Variants in LDLRAD4 observed in about 807,000 individuals in gnomAD.
The protein encoded by LDLRAD4 is low-density lipoprotein receptor class A domain-containing protein 4.
A neutral mutation model predicts 17.0 loss-of-function variants in LDLRAD4; 5 were observed. The observed-to-expected ratio is 0.29, with a 90% CI of 0.15 to 0.62. The LOEUF (loss-of-function observed/expected upper bound fraction) is 0.62. LDLRAD4 is among the 20% of genes least tolerant of loss of function. LDLRAD4 has a pLI of 0.84. For synonymous variants in LDLRAD4, 168 were observed against 171.8 expected (o/e 0.98, Z 0.17); for missense variants, 340 against 424.7 (o/e 0.80, Z 1.75).
chr18:13,338,527 A>T (rs1037422192), intron 1 of LDLRAD4, among the ~76,000 whole-genome samples: 1 of 152,192 alleles, frequency 6.6e-6, no homozygotes, highest in African/African-American at 2.4e-5. Context: ...CTGAGAGTGT[A>T]AAGGTTACTA....
chr18:13,337,253 G>A (rs950475571), intron 1 of LDLRAD4, among the ~76,000 whole-genome samples: 4 of 152,178 alleles, frequency 2.6e-5, no homozygotes, highest in African/African-American at 9.7e-5. Context: ...GACTACAGCC[G>A]TGTCTTTCAG....
At chr18:13,368,884 C>G (rs1243518618) in intron 1 of LDLRAD4, among the ~76,000 whole-genome samples, 1 of 152,214 alleles carries the variant, frequency 6.6e-6, no homozygotes, top group African/African-American at 2.4e-5. Context: ...GGCCCAGGGC[C>G]ATGGGGAAGG....
At chr18:13,623,829 C>T (rs996742245) in intron 4 of LDLRAD4, among the ~76,000 whole-genome samples, 1 of 152,158 alleles carries the variant, frequency 6.6e-6, no homozygotes, top group African/African-American at 2.4e-5. Context: ...CAGGAATGCC[C>T]CCACGCAGCC....
In LDLRAD4 at chr18:13,429,681, G is replaced by A. The variant is rs532691516; in HGVS notation, c.41-8563G>A. ...CTTTTAGGTGTGAGAACGCAAAGAG[G>A]CTTTCAGGCCTTTCAGCCAGGGGAT... On this transcript the variant is annotated intron_variant, in intron 2 of 5. Coordinates refer to ENST00000359446, the Ensembl canonical transcript of LDLRAD4. 1.3e-4 allele frequency among the ~76,000 whole-genome samples: 20 copies of A among 152,332 alleles called. No homozygotes were observed. In the South Asian group the frequency reaches 3.3e-3, roughly 25 times the overall value.
chr18:13,556,311 C>A (rs1028220139), intron 3 of LDLRAD4, among the ~76,000 whole-genome samples: 1 of 152,226 alleles, frequency 6.6e-6, no homozygotes, highest in African/African-American at 2.4e-5. Flanking sequence ...TAGGGCCTTG[C>A]TGGAACAAGT....
intron 4 of LDLRAD4, among the ~76,000 whole-genome samples, chr18:13,638,443 T>C (rs554086714): frequency 3.9e-5 from 6 of 152,338 alleles, no homozygotes; most frequent in African/African-American, 1.4e-4. Context: ...ATAATTCTTG[T>C]TACCTTTTTT....
Position 13,496,398 on chromosome 18 carries a change from G to T in LDLRAD4, c.181+58014G>T, listed in dbSNP as rs539709576. On this transcript the variant is annotated intron_variant, in intron 3 of 5. Transcript: ENST00000359446. ...TGATTCTATTAAAAGATTTTCAGGG[G>T]ATGAGGTTTCTACAGGCAATAGCAC... Among the ~76,000 whole-genome samples the T allele has an allele frequency of 3.1e-4, 47 of 152,264 alleles. 1 individual carries two copies. The South Asian group carries it at 9.7e-3, about 32-fold the overall frequency.
At chr18:13,341,101 G>C (rs539269449) in intron 1 of LDLRAD4, among the ~76,000 whole-genome samples, 16 of 152,026 alleles carry the variant, frequency 1.1e-4, no homozygotes, top group Non-Finnish European at 2.1e-4. Flanking sequence ...CTTTATGCCA[G>C]TATCACACTG....
intron 1 of LDLRAD4, among the ~76,000 whole-genome samples, chr18:13,315,949 CATAGAGAAGAAAAGAATGAAAAA>C (rs1444101596): frequency 6.6e-6 from 1 of 151,612 alleles, no homozygotes; most frequent in Non-Finnish European, 1.5e-5. Context: ...CAGAGTGAGG[CATAGAGAAGAAAAGAATGAAAAA>C]ATAGAGGAAA....
intron 3 of LDLRAD4, among the ~76,000 whole-genome samples, chr18:13,598,459 A>G (rs1431379073): frequency 6.6e-6 from 1 of 152,216 alleles, no homozygotes; most frequent in African/African-American, 2.4e-5. Flanking sequence ...GGCATAAATC[A>G]CTACAGAGTC....
At chr18:13,280,529 C>T (rs560689753) in intron 1 of LDLRAD4, among the ~76,000 whole-genome samples, 185 of 152,246 alleles carry the variant, frequency 1.2e-3, no homozygotes, top group African/African-American at 4.1e-3. Flanking sequence ...TTCAGGACTA[C>T]GGAAGTTTGC....
chr18:13,271,737 G>A (rs1482730071), intron 1 of LDLRAD4, among the ~76,000 whole-genome samples: 1 of 152,114 alleles, frequency 6.6e-6, no homozygotes, highest in Non-Finnish European at 1.5e-5. Context: ...CTGAGCACTT[G>A]AGCCAAGAGA....
At chr18:13,502,038 G>A (rs1214738866) in intron 3 of LDLRAD4, among the ~76,000 whole-genome samples, 1 of 152,260 alleles carries the variant, frequency 6.6e-6, no homozygotes, top group Non-Finnish European at 1.5e-5. Flanking sequence ...AGGGGAGAAA[G>A]TGACATCTTG....
At chr18:13,266,102 GT>G (rs2044200622) in intron 1 of LDLRAD4, among the ~76,000 whole-genome samples, 2 of 152,226 alleles carry the variant, frequency 1.3e-5, no homozygotes, top group Non-Finnish European at 2.9e-5. Context: ...CAGTGAACGT[GT>G]GTTTTAGCAA....
chr18:13,296,498 C>T (rs2046283686), intron 1 of LDLRAD4, among the ~76,000 whole-genome samples: 1 of 151,882 alleles, frequency 6.6e-6, no homozygotes, highest in Non-Finnish European at 1.5e-5. Flanking sequence ...TCTCTGGGCA[C>T]ACATGAGGGG....
At chr18:13,224,502 C>T (rs1255719946) in intron 1 of LDLRAD4, among the ~76,000 whole-genome samples, 8 of 83,252 alleles carry the variant, frequency 9.6e-5, no homozygotes, top group African/African-American at 1.4e-4. Flanking sequence ...TTTTTTGAGA[C>T]GGAGTCTCGC....
intron 1 of LDLRAD4, among the ~76,000 whole-genome samples, chr18:13,315,566 C>T (rs1226626018): frequency 1.3e-5 from 2 of 151,978 alleles, no homozygotes. Context: ...GGGAGGATCA[C>T]CTGAGGTCGG....
chr18:13,269,080 G>GTGTTCTGTGCT (rs1270591511), intron 1 of LDLRAD4, among the ~76,000 whole-genome samples: 4 of 152,356 alleles, frequency 2.6e-5, no homozygotes, highest in Middle Eastern at 6.8e-3. Flanking sequence ...TCAGTTTACA[G>GTGTTCTGTGCT]TGTTCTGTGC....
chr18:13,426,728 T>C (rs1003271790), intron 2 of LDLRAD4, among the ~76,000 whole-genome samples: 2 of 152,222 alleles, frequency 1.3e-5, no homozygotes, highest in Admixed American at 6.5e-5. Context: ...CAGCAGACCT[T>C]CCTTGTTTGG....
Sources: allele counts gnomAD v4.1 joint callset (sites outside exome capture counted in the v4.1 genomes callset), GRCh38; gene constraint gnomAD v4.1.1; transcripts MANE v1.5; gene names NCBI Gene and HGNC (gene_info 2026-07-23, HGNC 2026-07-21).